The following PRR11 variants were observed in gnomAD, a reference collection of about 807,000 sequenced individuals.
The protein encoded by PRR11 is proline rich 11.
PRR11 carries 30 observed loss-of-function variants against 45.6 expected under a neutral mutation model. The ratio of observed to expected loss-of-function variants is 0.66; its 90% confidence interval spans 0.49 to 0.89. The LOEUF (loss-of-function observed/expected upper bound fraction) is 0.89, where lower values mean the gene tolerates loss of function less well. Among genes scored for constraint, PRR11 ranks in the 40% least tolerant of loss-of-function variants. PRR11 has a pLI of 0.00. For missense variants in PRR11, 373 were observed against 424.8 expected (o/e 0.88, Z 1.07); for synonymous variants, 128 against 153.5 (o/e 0.83, Z 1.23).
At chr17:59,194,979 G>A (rs1038771012) in intron 6 of PRR11, 124 bp downstream of exon 6, 5 of 722,576 alleles carry the variant, frequency 6.9e-6, no homozygotes, top group Non-Finnish European at 9.3e-6. Flanking sequence ...TTCAGGACCA[G>A]CATGGGGAAT....
At chr17:59,196,087 C>CAA (rs57940331) in intron 7 of PRR11, among the ~76,000 whole-genome samples, 58 of 71,030 alleles carry the variant, frequency 8.2e-4, no homozygotes, top group East Asian at 2.8e-3. Flanking sequence ...GACTCCATCT[C>CAA]AAAAAAAAAA....
intron 4 of PRR11, 105 bp from the exon 5 acceptor site, chr17:59,193,387 G>A (rs1203395424): frequency 8.1e-6 from 11 of 1,360,714 alleles, no homozygotes; most frequent in South Asian, 2.6e-5. Flanking sequence ...CACATGGTAC[G>A]CTGAGAAAGC....
At chr17:59,195,741 T>C (rs1304440548) in intron 7 of PRR11, among the ~76,000 whole-genome samples, 2 of 152,130 alleles carry the variant, frequency 1.3e-5, no homozygotes, top group Non-Finnish European at 1.5e-5. Flanking sequence ...TTATAAGATA[T>C]GGCATTGATT....
At chr17:59,179,751 TCTCCTCAGGCTCAGGGGCGAGCTC>T (rs1412665796) in intron 2 of PRR11, 7 of 1,396,622 alleles carry the variant, frequency 5.0e-6, no homozygotes, top group Non-Finnish European at 5.0e-6. Flanking sequence ...GCCACCCAGG[TCTCCTCAGGCTCAGGGGCGAGCTC>T]CTTCTCTGGC....
rs35336452 is a variant in PRR11 at position 59,166,337 on chromosome 17, C to T, written c.-5-3411C>T. ...AGTTCTGCTACTTGAATAACAACAT[C>T]TTTGTTCCTCAAGTAGCAACAACTA... On this transcript the variant is annotated intron_variant, in intron 1 of 9. Coordinates refer to ENST00000262293, the MANE Select transcript of PRR11 (RefSeq NM_018304.4). 8.1e-4 allele frequency among the ~76,000 whole-genome samples: 124 copies of T among 152,336 alleles called. 1 individual carries two copies. The South Asian group carries it at 9.1e-3, about 11-fold the overall frequency.
intron 9 of PRR11, among the ~76,000 whole-genome samples, chr17:59,198,369 G>C (rs1477513777): frequency 6.6e-6 from 1 of 151,136 alleles, no homozygotes; most frequent in Non-Finnish European, 1.5e-5. Context: ...ACAAAACCCT[G>C]TCTCCACTAA....
chr17:59,176,684 C>CTTTTTTTTTTTTTTT (rs71367676), intron 2 of PRR11, among the ~76,000 whole-genome samples: 1 of 39,002 alleles, frequency 2.6e-5, no homozygotes, highest in African/African-American at 1.2e-4. Context: ...GTTTTTTTGG[C>CTTTTTTTTTTTTTTT]TTTTTTTTTT....
chr17:59,187,243 T>TA (rs896251127), intron 4 of PRR11, among the ~76,000 whole-genome samples: 1 of 151,796 alleles, frequency 6.6e-6, no homozygotes, highest in Non-Finnish European at 1.5e-5. Flanking sequence ...TAAAATAAAA[T>TA]AAATAAATAC....
At chr17:59,158,382 CTGTT>C (rs1388959530) in intron 1 of PRR11, among the ~76,000 whole-genome samples, 4 of 152,156 alleles carry the variant, frequency 2.6e-5, no homozygotes, top group African/African-American at 9.7e-5. Context: ...CGAATATGGG[CTGTT>C]TATTAGATCA....
intron 2 of PRR11, among the ~76,000 whole-genome samples, chr17:59,172,533 C>T (rs570254349): frequency 1.5e-3 from 222 of 152,274 alleles, no homozygotes; most frequent in African/African-American, 5.1e-3. Flanking sequence ...GGAAGAGGCA[C>T]GGGCGGGAAC....
chr17:59,200,322 T>C (rs1423810991), intron 9 of PRR11, among the ~76,000 whole-genome samples: 2 of 152,174 alleles, frequency 1.3e-5, no homozygotes, highest in African/African-American at 4.8e-5. Flanking sequence ...TGGCAGAGTG[T>C]AGTGGCTCAT....
rs376503714 is a variant in PRR11 at position 59,175,281 on chromosome 17, G to A, written c.128+5401G>A. ...TGCCTTCCTCAGGAGGGCCCTGATT[G>A]TCAGAGACCTGCTGAAGGGCGTCTC... is the stretch of plus-strand genomic sequence containing the variant. On this transcript the variant is annotated intron_variant, in intron 2 of 9. Coordinates refer to ENST00000262293, the MANE Select transcript of PRR11 (RefSeq NM_018304.4). Among the ~76,000 whole-genome samples, 8 of 152,324 alleles carry A rather than the reference G, an allele frequency of 5.3e-5. No homozygotes were observed. The East Asian group carries it at 9.7e-4, about 18-fold the overall frequency.
Position 59,179,977 on chromosome 17 carries a change from C to T in PRR11, c.129-5077C>T, listed in dbSNP as rs1446984340. 7.0e-5 allele frequency: 81 copies of T among 1,163,600 alleles called. 1 individual carries two copies. The South Asian group carries it at 8.3e-4, about 12-fold the overall frequency. The allele number at this position is 1,163,600 out of a possible 1,614,324, so 72.1% of individuals were successfully genotyped here. A position where few individuals can be genotyped will look rare whatever the true frequency, so the allele number is the denominator to read the frequency against. Reference sequence around the variant, plus strand: ...AACCACTCTCCATCCTCCCCAGCCTCGCAGACTGCTGGCTTCTCCAAGCCA... The same window carrying T: ...AACCACTCTCCATCCTCCCCAGCCTTGCAGACTGCTGGCTTCTCCAAGCCA... On this transcript the variant is annotated intron_variant, in intron 2 of 9. Coordinates refer to ENST00000262293, the MANE Select transcript of PRR11 (RefSeq NM_018304.4).
chr17:59,178,812 C>T (rs2046763963), intron 2 of PRR11, among the ~76,000 whole-genome samples: 1 of 152,126 alleles, frequency 6.6e-6, no homozygotes, highest in Non-Finnish European at 1.5e-5. Context: ...CACAGAGGGA[C>T]CACTGCAGAG....
At chr17:59,180,659 C>T (rs534956739) in intron 2 of PRR11, among the ~76,000 whole-genome samples, 76 of 151,384 alleles carry the variant, frequency 5.0e-4, no homozygotes, top group Non-Finnish European at 7.4e-4. Context: ...GCGTGCGCCA[C>T]CACACCCGGC....
chr17:59,182,682 T>C (rs1391770602), intron 2 of PRR11, among the ~76,000 whole-genome samples: 1 of 152,130 alleles, frequency 6.6e-6, no homozygotes, highest in East Asian at 1.9e-4. Flanking sequence ...TGTGAGCCAC[T>C]GCACCTGGCC....
At chr17:59,171,096 A>G (rs536997961) in intron 2 of PRR11, among the ~76,000 whole-genome samples, 1 of 152,076 alleles carries the variant, frequency 6.6e-6, no homozygotes, top group Admixed American at 6.6e-5. Flanking sequence ...CGTCTCTACT[A>G]AAAATACAAA....
intron 1 of PRR11, chr17:59,160,684 A>T (rs1179051766): frequency 6.6e-6 from 1 of 152,148 alleles, no homozygotes; most frequent in Non-Finnish European, 1.5e-5. Flanking sequence ...ATGTAAGTAA[A>T]AATGAGAGTA....
intron 2 of PRR11, chr17:59,179,535 T>C (rs551978948): frequency 7.4e-7 from 1 of 1,357,260 alleles, no homozygotes; most frequent in African/African-American, 1.5e-5. Context: ...TCCTCCCGCA[T>C]GGAGAGCTCA....
Sources: allele counts gnomAD v4.1 joint callset (sites outside exome capture counted in the v4.1 genomes callset), GRCh38; gene constraint gnomAD v4.1.1; transcripts MANE v1.5; gene names NCBI Gene and HGNC (gene_info 2026-07-23, HGNC 2026-07-21).